The following LARP1B variants were observed in gnomAD, a reference collection of about 807,000 sequenced individuals.
The protein encoded by LARP1B is La ribonucleoprotein 1B.
In LARP1B, 76 loss-of-function variants were observed where a neutral mutation model predicts 114.2. The observed-to-expected ratio is 0.67, with a 90% CI of 0.55 to 0.81. The LOEUF is 0.81. Among genes scored for constraint, LARP1B ranks in the 30% least tolerant of loss-of-function variants. The pLI is 0.00. For synonymous variants in LARP1B, 345 were observed against 348.0 expected (o/e 0.99, Z 0.10); for missense variants, 1,014 against 1,075.8 (o/e 0.94, Z 0.80).
intron 19 of LARP1B, 72 bp from the exon 20 acceptor site, chr4:128,209,784 A>T: frequency 7.9e-7 from 1 of 1,270,798 alleles, no homozygotes; most frequent in Non-Finnish European, 1.1e-6. Context: ...TTTGGGGAAA[A>T]GTCTAGCCTT....
chr4:128,108,862 A>G, intron 9 of LARP1B: 1 of 976,488 alleles, frequency 1.0e-6, no homozygotes, highest in Non-Finnish European at 1.2e-6. Flanking sequence ...CTGTCCATTA[A>G]CCATTTATGC....
At chr4:128,201,367 C>A (rs1486233743) in intron 17 of LARP1B, among the ~76,000 whole-genome samples, 1 of 152,296 alleles carries the variant, frequency 6.6e-6, no homozygotes, top group East Asian at 1.9e-4. Context: ...CTCCCATGCT[C>A]CCACCATTAC....
intron 10 of LARP1B, among the ~76,000 whole-genome samples, chr4:128,119,228 C>T (rs1321498187): frequency 6.6e-6 from 1 of 152,158 alleles, no homozygotes; most frequent in Non-Finnish European, 1.5e-5. Context: ...TGGACTTGGA[C>T]ACCTAGGCAG....
chr4:128,122,448 T>TG (rs1191244767), intron 11 of LARP1B: 1 of 1,512,636 alleles, frequency 6.6e-7, no homozygotes, highest in Admixed American at 2.2e-5. Flanking sequence ...GTTTTTTTTT[T>TG]TTTTTGTTTT....
chr4:128,150,292 CT>C (rs5861846), intron 11 of LARP1B, among the ~76,000 whole-genome samples: 52,244 of 134,758 alleles, frequency 0.39, 10,131 homozygotes, highest in African/African-American at 0.53. Flanking sequence ...TAATTTTTTT[CT>C]TTTTTTTTTT....
chr4:128,124,599 T>C (rs1274572519), intron 11 of LARP1B, among the ~76,000 whole-genome samples: 1 of 152,236 alleles, frequency 6.6e-6, no homozygotes, highest in Admixed American at 6.5e-5. Flanking sequence ...GCAAAGGCAG[T>C]GTGACATCTA....
chr4:128,192,674 C>G (rs140985050), intron 15 of LARP1B, among the ~76,000 whole-genome samples: 4 of 152,152 alleles, frequency 2.6e-5, no homozygotes, highest in African/African-American at 9.7e-5. Flanking sequence ...ACCTGAAAAA[C>G]CGTAAGTGAA....
upstream of LARP1B, chr4:128,061,201 G>A (rs1407641270): frequency 6.6e-6 from 1 of 152,136 alleles, no homozygotes; most frequent in Non-Finnish European, 1.5e-5. Context: ...AGCTCCCGCG[G>A]GAGGCCCGGC....
intron 11 of LARP1B, among the ~76,000 whole-genome samples, chr4:128,136,711 A>G (rs887623949): frequency 1.3e-5 from 2 of 152,216 alleles, no homozygotes; most frequent in Non-Finnish European, 2.9e-5. Flanking sequence ...ATTCCAAGGC[A>G]TTTATATTAC....
chr4:128,090,520 A>G lies in LARP1B; in HGVS notation c.359-481A>G, dbSNP rs567391592. 8.5e-5 allele frequency among the ~76,000 whole-genome samples: 13 copies of G among 152,292 alleles called. No individual in the cohort carries two copies. In the South Asian group the frequency reaches 2.7e-3, roughly 32 times the overall value. On this transcript the variant is annotated intron_variant, in intron 5 of 19. Coordinates refer to ENST00000326639, the MANE Select transcript of LARP1B (RefSeq NM_018078.4). ...ATGAGAGAGAGTCGTATGAGTTCTT[A>G]CATGTACTCTAGATAGAATTTCTAT...
intron 6 of LARP1B, among the ~76,000 whole-genome samples, chr4:128,217,033 G>A (rs1759554290): frequency 6.6e-6 from 1 of 150,958 alleles, no homozygotes; most frequent in Non-Finnish European, 1.5e-5. Flanking sequence ...AAATAAACTA[G>A]AAAATCTAGA....
intron 7 of LARP1B, among the ~76,000 whole-genome samples, chr4:128,221,594 T>G (rs1240910700): frequency 6.6e-6 from 1 of 152,196 alleles, no homozygotes; most frequent in Non-Finnish European, 1.5e-5. Context: ...TCTACAAAAT[T>G]GAGTACCTTT....
intron 5 of LARP1B, among the ~76,000 whole-genome samples, chr4:128,084,186 G>A (rs1193901442): frequency 6.6e-6 from 1 of 152,168 alleles, no homozygotes; most frequent in Non-Finnish European, 1.5e-5. Context: ...ACAATGGGCG[G>A]CCAGGCAGAG....
intron 15 of LARP1B, among the ~76,000 whole-genome samples, chr4:128,187,462 T>G (rs1750745266): frequency 6.6e-6 from 1 of 152,246 alleles, no homozygotes. Flanking sequence ...GTAGCCCCTT[T>G]CTTTTGGGCT....
At chr4:128,066,070 C>G (rs188508018) in intron 1 of LARP1B, among the ~76,000 whole-genome samples, 19 of 151,208 alleles carry the variant, frequency 1.3e-4, no homozygotes, top group African/African-American at 4.4e-4. Flanking sequence ...CTCTTGGGGT[C>G]AAGCTATCCT....
intron 7 of LARP1B, 43 bp from the exon 8 acceptor site, chr4:128,098,143 T>C: frequency 6.8e-7 from 1 of 1,471,394 alleles, no homozygotes; most frequent in South Asian, 1.2e-5. Context: ...AAATATTTAT[T>C]TCCTACTAAA....
intron 11 of LARP1B, among the ~76,000 whole-genome samples, chr4:128,140,764 T>C (rs927194966): frequency 6.6e-6 from 1 of 151,954 alleles, no homozygotes; most frequent in Non-Finnish European, 1.5e-5. Flanking sequence ...ATTTATTTAC[T>C]TCTTGAAGCT....
At chr4:128,086,488 C>G (rs1773614085) in intron 5 of LARP1B, among the ~76,000 whole-genome samples, 1 of 152,042 alleles carries the variant, frequency 6.6e-6, no homozygotes, top group Non-Finnish European at 1.5e-5. Context: ...ACAACAGTAC[C>G]TGGCTAATTT....
intron 1 of LARP1B, among the ~76,000 whole-genome samples, chr4:128,072,247 T>C (rs1225682573): frequency 6.6e-6 from 1 of 152,128 alleles, no homozygotes; most frequent in East Asian, 1.9e-4. Context: ...GTAATCTGCC[T>C]GCGTTGGCCT....
Sources: allele counts gnomAD v4.1 joint callset (sites outside exome capture counted in the v4.1 genomes callset), GRCh38; gene constraint gnomAD v4.1.1; transcripts MANE v1.5; gene names NCBI Gene and HGNC (gene_info 2026-07-23, HGNC 2026-07-21).